Variants in GUCY1A2 observed in about 807,000 individuals in gnomAD.
The protein encoded by GUCY1A2 is guanylate cyclase 1 soluble subunit alpha 2.
GUCY1A2 carries 27 observed loss-of-function variants against 63.5 expected under a neutral mutation model. The ratio of observed to expected loss-of-function variants is 0.43; its 90% CI spans 0.31 to 0.59. The LOEUF (loss-of-function observed/expected upper bound fraction) is 0.59, where lower values mean the gene tolerates loss of function less well. Among genes scored for constraint, GUCY1A2 ranks in the 20% least tolerant of loss-of-function variants. The pLI is 0.11. For missense variants in GUCY1A2, 768 were observed against 913.3 expected (o/e 0.84, Z 2.05); for synonymous variants, 364 against 343.5 (o/e 1.06, Z -0.66).
intron 3 of GUCY1A2, among the ~76,000 whole-genome samples, chr11:106,966,377 G>T (rs1036025736): frequency 2.0e-5 from 3 of 152,034 alleles, no homozygotes; most frequent in African/African-American, 7.2e-5. Context: ...CAAAGTGCTG[G>T]GATTACAGGA....
rs147652311 is a variant in GUCY1A2 at position 106,870,461 on chromosome 11, C to T, written c.1207-59983G>A. Among the ~76,000 whole-genome samples the T allele has an allele frequency of 2.0e-4, 30 of 152,146 alleles. No individual in the cohort carries two copies. The East Asian group carries it at 5.8e-3, about 29-fold the overall frequency. On this transcript the variant is annotated intron_variant, in intron 4 of 7. Coordinates refer to ENST00000526355, the MANE Select transcript of GUCY1A2 (RefSeq NM_000855.3). ...ATTCCAAATTCCTGTTAGGTTTGAA[C>T]ATAACCAATTAACATTAATATAAAA...
In GUCY1A2 at chr11:106,847,231, CA is replaced by C. The variant is rs57752458; in HGVS notation, c.1207-36754del. 2.2e-3 allele frequency among the ~76,000 whole-genome samples: 309 copies of C among 141,452 alleles called. 1 individual carries two copies. The highest frequency in any genetic ancestry group is 7.1e-3 in the African/African-American group (275 of 38,850). 92.8% of individuals were successfully genotyped at this position (141,452 alleles called of 152,430 possible). Reference sequence around the variant, plus strand: ...TTTGTTATAGTGATATTGCAAAACTCAAAAAAAAAAATATATATATATATAT... The same window carrying C: ...TTTGTTATAGTGATATTGCAAAACTCAAAAAAAAAATATATATATATATAT... On this transcript the variant is annotated intron_variant, in intron 4 of 7. Transcript: ENST00000526355.
rs1294322153 is a variant in GUCY1A2 at position 106,703,182 on chromosome 11, C to G, written c.1991+5330G>C. 2.0e-5 allele frequency among the ~76,000 whole-genome samples: 3 copies of G among 152,134 alleles called. No homozygotes were observed. In the East Asian group the frequency reaches 5.8e-4, roughly 29 times the overall value. On this transcript the variant is annotated intron_variant, in intron 7 of 7. Coordinates refer to ENST00000526355, the MANE Select transcript of GUCY1A2 (RefSeq NM_000855.3). ...CCTTCAGCTTTGGGACTTGGACTGT[C>G]TCCTTGCTGCTCAGCTTGCAGACGC... is the stretch of plus-strand genomic sequence containing the variant.
intron 4 of GUCY1A2, among the ~76,000 whole-genome samples, chr11:106,883,142 A>T (rs1859849508): frequency 6.6e-6 from 1 of 152,034 alleles, no homozygotes; most frequent in Non-Finnish European, 1.5e-5. Flanking sequence ...CTACTGAACC[A>T]CTTAAATTCA....
intron 4 of GUCY1A2, among the ~76,000 whole-genome samples, chr11:106,913,278 C>T (rs1860321024): frequency 6.6e-6 from 1 of 152,106 alleles, no homozygotes; most frequent in Admixed American, 6.6e-5. Context: ...TTATTTGGCT[C>T]ATGATTGTGC....
chr11:106,751,232 G>A (rs1863877030), intron 6 of GUCY1A2, among the ~76,000 whole-genome samples: 1 of 152,022 alleles, frequency 6.6e-6, no homozygotes, highest in African/African-American at 2.4e-5. Flanking sequence ...TGACTTCACT[G>A]AATTCTATAA....
intron 5 of GUCY1A2, among the ~76,000 whole-genome samples, chr11:106,798,285 CA>C (rs1229266906): frequency 6.6e-6 from 1 of 151,860 alleles, no homozygotes; most frequent in Non-Finnish European, 1.5e-5. Context: ...GCCTACCAAC[CA>C]AAAAAAGTCC....
At chr11:106,796,067 C>T (rs1249182718) in intron 5 of GUCY1A2, among the ~76,000 whole-genome samples, 1 of 152,068 alleles carries the variant, frequency 6.6e-6, no homozygotes, top group East Asian at 1.9e-4. Flanking sequence ...ACGTAATGGC[C>T]TTCTTTGTCT....
At chr11:106,712,709 G>A (rs1370824196) in intron 6 of GUCY1A2, among the ~76,000 whole-genome samples, 2 of 152,150 alleles carry the variant, frequency 1.3e-5, no homozygotes, top group East Asian at 3.9e-4. Flanking sequence ...CTGGAACAGT[G>A]TTTCATGAAG....
intron 4 of GUCY1A2, among the ~76,000 whole-genome samples, chr11:106,910,569 C>T (rs1860279797): frequency 6.6e-6 from 1 of 152,060 alleles, no homozygotes; most frequent in South Asian, 2.1e-4. Context: ...TCATTCCCCG[C>T]TTCTTTCTAG....
chr11:106,882,665 T>A (rs1423719100), intron 4 of GUCY1A2, among the ~76,000 whole-genome samples: 6 of 152,006 alleles, frequency 3.9e-5, no homozygotes, highest in Non-Finnish European at 8.8e-5. Context: ...CTGTTGACCC[T>A]CATTTAACAG....
intron 6 of GUCY1A2, among the ~76,000 whole-genome samples, chr11:106,739,732 C>T (rs1161254991): frequency 2.0e-5 from 3 of 152,036 alleles, no homozygotes; most frequent in Non-Finnish European, 4.4e-5. Context: ...CCTCTTTTTC[C>T]TTTGTTCATG....
chr11:106,936,798 T>C (rs1014139102), intron 4 of GUCY1A2: 2 of 682,742 alleles, frequency 2.9e-6, no homozygotes, highest in Non-Finnish European at 5.0e-6. Context: ...GAGCCCTCAA[T>C]GTTAGAAGAA....
intron 4 of GUCY1A2, among the ~76,000 whole-genome samples, chr11:106,898,739 T>C (rs749098971): frequency 7.2e-5 from 11 of 152,156 alleles, no homozygotes; most frequent in Non-Finnish European, 1.0e-4. Flanking sequence ...AGGATTATTA[T>C]GGCAGTGAAA....
At chr11:106,837,690 A>G (rs1314719041) in intron 4 of GUCY1A2, among the ~76,000 whole-genome samples, 1 of 151,976 alleles carries the variant, frequency 6.6e-6, no homozygotes, top group Admixed American at 6.6e-5. Context: ...TTTATTGAAA[A>G]AAGAATCTAT....
chr11:106,874,334 A>G (rs1015554106), intron 4 of GUCY1A2, among the ~76,000 whole-genome samples: 1 of 152,174 alleles, frequency 6.6e-6, no homozygotes, highest in African/African-American at 2.4e-5. Flanking sequence ...TTAATAAAGA[A>G]ATAGCACATA....
At chr11:106,842,305 G>A (rs932746391) in intron 4 of GUCY1A2, among the ~76,000 whole-genome samples, 1 of 151,808 alleles carries the variant, frequency 6.6e-6, no homozygotes, top group Non-Finnish European at 1.5e-5. Context: ...CCTTAAGATT[G>A]CCCACAACTT....
At chr11:106,890,825 C>G (rs1859963667) in intron 4 of GUCY1A2, among the ~76,000 whole-genome samples, 1 of 152,090 alleles carries the variant, frequency 6.6e-6, no homozygotes, top group Non-Finnish European at 1.5e-5. Context: ...GAAGTTCCAC[C>G]ACATTGCAAT....
At chr11:106,920,117 T>C (rs1239335637) in intron 4 of GUCY1A2, among the ~76,000 whole-genome samples, 1 of 151,718 alleles carries the variant, frequency 6.6e-6, no homozygotes, top group African/African-American at 2.4e-5. Context: ...TAAACAAATG[T>C]ATTTACAGAT....
Sources: allele counts gnomAD v4.1 joint callset (sites outside exome capture counted in the v4.1 genomes callset), GRCh38; gene constraint gnomAD v4.1.1; transcripts MANE v1.5; gene names NCBI Gene and HGNC (gene_info 2026-07-23, HGNC 2026-07-21).